CCDC102B: variants seen among roughly 807,000 people sequenced by gnomAD.
CCDC102B encodes the protein coiled-coil domain containing 102B.
In CCDC102B, 75 loss-of-function variants were observed where a neutral mutation model predicts 57.4. The observed-to-expected ratio is 1.31, with a 90% CI of 1.08 to 1.58. CCDC102B has a LOEUF of 1.58. Among genes scored for constraint, CCDC102B ranks in the 40% most tolerant of loss-of-function variants. The pLI is 0.00. For missense variants in CCDC102B, 636 were observed against 582.6 expected (o/e 1.09, Z -0.94); for synonymous variants, 206 against 201.9 (o/e 1.02, Z -0.17).
intron 4 of CCDC102B, among the ~76,000 whole-genome samples, chr18:68,848,055 A>G (rs1460831906): frequency 6.6e-6 from 1 of 151,822 alleles, no homozygotes; most frequent in African/African-American, 2.4e-5. Flanking sequence ...TAAAAACTAA[A>G]CAAACAATAC....
At chr18:68,937,056 T>G (rs1184395672) in intron 6 of CCDC102B, among the ~76,000 whole-genome samples, 1 of 152,028 alleles carries the variant, frequency 6.6e-6, no homozygotes, top group East Asian at 1.9e-4. Flanking sequence ...TAATCTTGTT[T>G]AATATGTGTT....
intron 6 of CCDC102B, among the ~76,000 whole-genome samples, chr18:68,933,954 A>T (rs2041763865): frequency 6.6e-6 from 1 of 151,900 alleles, no homozygotes; most frequent in African/African-American, 2.4e-5. Context: ...TATGCATTAT[A>T]ATAACAAAAA....
At chr18:68,914,276 G>T (rs1438056862) in intron 6 of CCDC102B, among the ~76,000 whole-genome samples, 1 of 152,078 alleles carries the variant, frequency 6.6e-6, no homozygotes, top group African/African-American at 2.4e-5. Context: ...TCCCAAAGAC[G>T]CATGTGCTAG....
intron 2 of CCDC102B, among the ~76,000 whole-genome samples, chr18:68,769,162 A>G (rs1458437178): frequency 6.6e-6 from 1 of 151,822 alleles, no homozygotes; most frequent in Non-Finnish European, 1.5e-5. Flanking sequence ...CTGAGGCAGG[A>G]GAATGGCTTG....
Position 68,897,389 on chromosome 18 carries a change from T to C in CCDC102B, c.1224T>C (p.Asp408=), listed in dbSNP as rs1184701312. Reference sequence around the variant, plus strand: ...TAAGTGCAAACTCTCAAAGTCCTGATTTCAAGATGTCACAAATTGATCTGC... The same window carrying C: ...TAAGTGCAAACTCTCAAAGTCCTGACTTCAAGATGTCACAAATTGATCTGC... The part of the protein sequence containing the change: ...NRLSANSQSP[D]FKMSQIDLQE... Residue 408 remains aspartate (D), a synonymous_variant, in exon 6 of 8, where the codon GAT becomes GAC. Coordinates refer to ENST00000360242, the MANE Select transcript of CCDC102B (RefSeq NM_024781.3). 7 of 1,611,930 alleles carry C rather than the reference T, an allele frequency of 4.3e-6. No homozygotes were observed. The highest frequency in any genetic ancestry group is 1.3e-5 in the African/African-American group (1 of 74,810).
intron 7 of CCDC102B, among the ~76,000 whole-genome samples, chr18:69,015,949 T>C (rs1210466227): frequency 6.6e-6 from 1 of 151,800 alleles, no homozygotes; most frequent in Non-Finnish European, 1.5e-5. Context: ...CTGCCACCCA[T>C]GTTCATGCCA....
intron 7 of CCDC102B, 31 bp from the exon 8 acceptor site, chr18:69,053,999 C>T: frequency 6.4e-7 from 1 of 1,574,764 alleles, no homozygotes; most frequent in Admixed American, 1.9e-5. Context: ...ACACTTGAAC[C>T]TAACTAAAGC....
intron 2 of CCDC102B, among the ~76,000 whole-genome samples, chr18:68,746,555 GC>G (rs1447911145): frequency 6.6e-6 from 1 of 152,056 alleles, no homozygotes; most frequent in African/African-American, 2.4e-5. Flanking sequence ...GGTAATAACA[GC>G]CTAGTATCTT....
intron 5 of CCDC102B, among the ~76,000 whole-genome samples, chr18:68,887,243 C>T (rs1023348908): frequency 2.0e-5 from 3 of 152,016 alleles, no homozygotes; most frequent in Admixed American, 1.3e-4. Context: ...GAATTTGGAG[C>T]GCAGCAGTGA....
rs76871858 is a variant in CCDC102B, at chr18:68,845,511, A to G, written c.828-802A>G. On this transcript the variant is annotated intron_variant, in intron 3 of 7. Coordinates refer to ENST00000360242, the MANE Select transcript of CCDC102B (RefSeq NM_024781.3). ...CAAATCCTAGAATTGAGGAATGAGGAAAACAACTCTGTCCGTGGAAATGGA... is the reference window on the plus strand; with the variant it reads ...CAAATCCTAGAATTGAGGAATGAGGGAAACAACTCTGTCCGTGGAAATGGA... Among the ~76,000 whole-genome samples the G allele has an allele frequency of 4.1e-3, 625 of 151,956 alleles. 9 individuals carry two copies. The highest frequency in any genetic ancestry group is 0.014 in the African/African-American group (573 of 41,552).
chr18:68,915,456 GA>G (rs1409210360), intron 6 of CCDC102B, among the ~76,000 whole-genome samples: 1 of 152,134 alleles, frequency 6.6e-6, no homozygotes, highest in Non-Finnish European at 1.5e-5. Context: ...GAATGTAGTT[GA>G]GATGCTTTTT....
At chr18:68,907,235 G>A (rs777691007) in intron 6 of CCDC102B, among the ~76,000 whole-genome samples, 1 of 152,054 alleles carries the variant, frequency 6.6e-6, no homozygotes, top group African/African-American at 2.4e-5. Context: ...ATTAGGAAGT[G>A]CGAGTATTTC....
chr18:68,981,809 C>T (rs1415566397), intron 6 of CCDC102B, among the ~76,000 whole-genome samples: 3 of 151,846 alleles, frequency 2.0e-5, no homozygotes, highest in Non-Finnish European at 4.4e-5. Context: ...TCTCATTGTT[C>T]AATTCCCACC....
At chr18:68,920,879 T>C (rs377503273) in intron 6 of CCDC102B, among the ~76,000 whole-genome samples, 10 of 152,294 alleles carry the variant, frequency 6.6e-5, no homozygotes, top group South Asian at 4.1e-4. Flanking sequence ...ATGAGGGTTA[T>C]AATTCAAGAT....
At chr18:68,738,244 C>T (rs547806592) in intron 2 of CCDC102B, among the ~76,000 whole-genome samples, 3 of 152,076 alleles carry the variant, frequency 2.0e-5, no homozygotes, top group South Asian at 2.1e-4. Flanking sequence ...ATGAGTTGAT[C>T]GTATGCAGGA....
At chr18:68,871,609 A>T (rs2144920404) in intron 4 of CCDC102B, among the ~76,000 whole-genome samples, 1 of 152,184 alleles carries the variant, frequency 6.6e-6, no homozygotes, top group African/African-American at 2.4e-5. Context: ...CTTTAGTTGT[A>T]TAATATTTTA....
At chr18:68,944,807 A>G (rs915757657) in intron 6 of CCDC102B, among the ~76,000 whole-genome samples, 10 of 152,200 alleles carry the variant, frequency 6.6e-5, no homozygotes, top group Non-Finnish European at 1.5e-4. Context: ...TCATCTTAAC[A>G]ACCATATATG....
intron 4 of CCDC102B, among the ~76,000 whole-genome samples, chr18:68,862,965 G>A (rs2038825143): frequency 2.0e-5 from 3 of 151,756 alleles, no homozygotes. Flanking sequence ...AAGTATTACA[G>A]CATGTATCTC....
chr18:68,734,379 A>G (rs1176160664), intron 2 of CCDC102B, among the ~76,000 whole-genome samples: 1 of 152,214 alleles, frequency 6.6e-6, no homozygotes, highest in Non-Finnish European at 1.5e-5. Context: ...GCAGGGTGCA[A>G]ACATATAAAT....
Sources: allele counts gnomAD v4.1 joint callset (sites outside exome capture counted in the v4.1 genomes callset), GRCh38; gene constraint gnomAD v4.1.1; transcripts MANE v1.5; gene names NCBI Gene and HGNC (gene_info 2026-07-23, HGNC 2026-07-21).